SLC35F1: variants seen among roughly 807,000 people sequenced by gnomAD.
SLC35F1 encodes chromosome 6 open reading frame 169.
Under a neutral mutation model 48.7 loss-of-function variants are expected in SLC35F1, and 14 were observed. The ratio of observed to expected loss-of-function variants is 0.29; its 90% confidence interval spans 0.19 to 0.45. The LOEUF (loss-of-function observed/expected upper bound fraction) is 0.45. Among genes scored for constraint, SLC35F1 ranks in the 20% least tolerant of loss-of-function variants. The pLI is 1.00. For synonymous variants in SLC35F1, 190 were observed against 202.2 expected (o/e 0.94, Z 0.51); for missense variants, 404 against 500.0 (o/e 0.81, Z 1.83).
At chr6:118,041,014 T>C (rs1395729956) in intron 1 of SLC35F1, among the ~76,000 whole-genome samples, 2 of 135,612 alleles carry the variant, frequency 1.5e-5, no homozygotes, top group African/African-American at 5.0e-5. Flanking sequence ...GTTGTCTTTC[T>C]GATTTTTTCT....
chr6:118,024,899 A>G (rs1400235639), intron 1 of SLC35F1, among the ~76,000 whole-genome samples: 1 of 151,714 alleles, frequency 6.6e-6, no homozygotes, highest in Non-Finnish European at 1.5e-5. Flanking sequence ...TTTATGCTTC[A>G]TGATAACTTT....
At chr6:117,922,938 A>G (rs1014776826) in intron 1 of SLC35F1, among the ~76,000 whole-genome samples, 2 of 152,186 alleles carry the variant, frequency 1.3e-5, no homozygotes, top group African/African-American at 4.8e-5. Context: ...GCTAGCGGAG[A>G]ACACATAAGC....
intron 2 of SLC35F1, among the ~76,000 whole-genome samples, chr6:118,174,231 A>G (rs1774453650): frequency 6.6e-6 from 1 of 152,210 alleles, no homozygotes; most frequent in East Asian, 1.9e-4. Context: ...GAAAGTAATC[A>G]ATAGAAGCAG....
chr6:118,008,296 C>T (rs1377907223), intron 1 of SLC35F1, among the ~76,000 whole-genome samples: 4 of 151,304 alleles, frequency 2.6e-5, no homozygotes, highest in South Asian at 4.2e-4. Flanking sequence ...AAAAAAGCAG[C>T]GACTATCACA....
At chr6:118,268,456 C>T (rs989257068) in intron 4 of SLC35F1, among the ~76,000 whole-genome samples, 22 of 151,540 alleles carry the variant, frequency 1.5e-4, no homozygotes, top group African/African-American at 4.9e-4. Flanking sequence ...TATTGATAGA[C>T]GTCATATGAA....
chr6:118,191,531 G>A (rs1774733381), intron 2 of SLC35F1, among the ~76,000 whole-genome samples: 1 of 152,134 alleles, frequency 6.6e-6, no homozygotes, highest in Admixed American at 6.5e-5. Flanking sequence ...CAAGAGTGTG[G>A]AGGGACCCTT....
intron 1 of SLC35F1, among the ~76,000 whole-genome samples, chr6:117,934,092 G>A (rs908469737): frequency 2.0e-5 from 3 of 152,092 alleles, no homozygotes; most frequent in Non-Finnish European, 2.9e-5. Flanking sequence ...GGAATGAGCC[G>A]CTGAAGGGTG....
At chr6:117,939,338 C>T (rs190671500) in intron 1 of SLC35F1, among the ~76,000 whole-genome samples, 7 of 152,284 alleles carry the variant, frequency 4.6e-5, no homozygotes, top group Non-Finnish European at 7.3e-5. Context: ...GAAAAAGCAG[C>T]GCTTAGCTCT....
At chr6:118,287,859 T>C (rs1469483672) in intron 7 of SLC35F1, among the ~76,000 whole-genome samples, 1 of 152,172 alleles carries the variant, frequency 6.6e-6, no homozygotes, top group Non-Finnish European at 1.5e-5. Context: ...TTACTATTCA[T>C]TGAGGATAAG....
rs531100551 is a variant in SLC35F1, at chr6:117,933,651, T to G, written c.173+25752T>G. On this transcript the variant is annotated intron_variant, in intron 1 of 7. Transcript: ENST00000360388. ...GGAAAGCAGGATAGAGAAAGCTGCTTTTGTGCTCTGATTGCCCAGCTCTCT... is the reference window on the plus strand; with the variant it reads ...GGAAAGCAGGATAGAGAAAGCTGCTGTTGTGCTCTGATTGCCCAGCTCTCT... Among the ~76,000 whole-genome samples, 6 of 152,312 alleles carry G rather than the reference T, an allele frequency of 3.9e-5. No individual in the cohort carries two copies. The South Asian group carries it at 1.2e-3, about 32-fold the overall frequency.
At chr6:118,282,323 G>T (rs1013409323) in intron 6 of SLC35F1, among the ~76,000 whole-genome samples, 5 of 152,154 alleles carry the variant, frequency 3.3e-5, no homozygotes, top group Non-Finnish European at 5.9e-5. Flanking sequence ...TGCTTTGCTT[G>T]GGAAACAGTA....
chr6:118,035,852 G>A (rs1019949313), intron 1 of SLC35F1, among the ~76,000 whole-genome samples: 23 of 151,096 alleles, frequency 1.5e-4, no homozygotes, highest in African/African-American at 2.9e-4. Flanking sequence ...AACCACGCCC[G>A]GCTAATTTTT....
intron 2 of SLC35F1, among the ~76,000 whole-genome samples, chr6:118,199,906 G>T (rs181712478): frequency 7.2e-5 from 11 of 152,122 alleles, no homozygotes; most frequent in Non-Finnish European, 4.4e-5. Flanking sequence ...CCACATTGTT[G>T]TATTAAATGT....
At chr6:117,955,682 G>A (rs1182345089) in intron 1 of SLC35F1, among the ~76,000 whole-genome samples, 1 of 152,188 alleles carries the variant, frequency 6.6e-6, no homozygotes, top group Non-Finnish European at 1.5e-5. Flanking sequence ...GAACTGGAAA[G>A]GGTGAGAGAA....
intron 6 of SLC35F1, among the ~76,000 whole-genome samples, chr6:118,283,326 CT>C (rs1369510120): frequency 6.6e-6 from 1 of 152,212 alleles, no homozygotes; most frequent in Non-Finnish European, 1.5e-5. Context: ...TCCTGACATT[CT>C]CTTTAAGAAA....
intron 1 of SLC35F1, among the ~76,000 whole-genome samples, chr6:118,066,895 G>T (rs1306519831): frequency 6.6e-6 from 1 of 151,910 alleles, no homozygotes; most frequent in Admixed American, 6.6e-5. Flanking sequence ...ACCAGACCAT[G>T]ACTCCTTCAC....
chr6:118,133,922 C>T (rs1773754798), intron 1 of SLC35F1, among the ~76,000 whole-genome samples: 1 of 152,216 alleles, frequency 6.6e-6, no homozygotes, highest in African/African-American at 2.4e-5. Flanking sequence ...GTTGGCCTAT[C>T]TCTCCATTGA....
At chr6:118,277,260 G>T (rs1257432518) in intron 5 of SLC35F1, among the ~76,000 whole-genome samples, 1 of 152,184 alleles carries the variant, frequency 6.6e-6, no homozygotes, top group Non-Finnish European at 1.5e-5. Flanking sequence ...GAGCAGGAAG[G>T]GTTGAGCGCC....
intron 1 of SLC35F1, among the ~76,000 whole-genome samples, chr6:118,075,940 C>T (rs1772811173): frequency 6.6e-6 from 1 of 152,160 alleles, no homozygotes; most frequent in Non-Finnish European, 1.5e-5. Context: ...AATGCTCAGC[C>T]TTTGTTTCGA....
Sources: gnomAD v4.1 joint callset for allele counts (sites outside exome capture counted in the v4.1 genomes callset) on GRCh38, gnomAD v4.1.1 for gene constraint, MANE v1.5 for transcripts, NCBI Gene and HGNC (gene_info 2026-07-23, HGNC 2026-07-21) for gene names.